Variants in HSF5 observed in about 807,000 individuals in gnomAD.
The protein encoded by HSF5 is heat shock transcription factor 5, also known as heat shock factor protein 5.
HSF5 carries 5 observed loss-of-function variants against 50.8 expected under a neutral mutation model. That is an observed-to-expected ratio of 0.10 (90% CI 0.05 to 0.21). The LOEUF is 0.21. HSF5 is among the 10% of genes least tolerant of loss of function. The pLI, the probability that HSF5 is intolerant of heterozygous loss-of-function variation, is 1.00. For synonymous variants in HSF5, 307 were observed against 307.4 expected, an observed-to-expected ratio of 1.00 and a Z score of 0.02; for missense variants, 564 against 762.6, an observed-to-expected ratio of 0.74 and a Z score of 3.07.
chr17:58,422,229 C>A lies in HSF5; in HGVS notation c.*131G>T. On this transcript the variant is annotated 3_prime_UTR_variant, in exon 6 of 6. Coordinates refer to ENST00000323777, the MANE Select transcript of HSF5 (RefSeq NM_001080439.3). ...TTCCCAATTCTCAATTAACAAAATT[C>A]TCAATTAACGAAACAAAAAATACTT... The A allele has an allele frequency of 1.6e-6, 1 of 645,066 alleles. No individual in the cohort carries two copies. Among genetic ancestry groups the A allele is most frequent in the Non-Finnish European group, 2.7e-6 (1 of 372,298 alleles). The allele number at this position is 645,066 out of a possible 1,614,324, so 40.0% of individuals were successfully genotyped here.
intron 5 of HSF5, among the ~76,000 whole-genome samples, chr17:58,450,728 G>C (rs2143762645): frequency 6.6e-6 from 1 of 150,408 alleles, no homozygotes; most frequent in South Asian, 2.1e-4. Flanking sequence ...ACTCTAGCCT[G>C]GGCAACAAGA....
chr17:58,429,974 T>C (rs1974342357), intron 5 of HSF5, among the ~76,000 whole-genome samples: 1 of 152,024 alleles, frequency 6.6e-6, no homozygotes, highest in Non-Finnish European at 1.5e-5. Context: ...AAATACAAAA[T>C]TCATAGTTAT....
At chr17:58,445,012 G>A (rs1974540625) in intron 5 of HSF5, among the ~76,000 whole-genome samples, 1 of 151,950 alleles carries the variant, frequency 6.6e-6, no homozygotes, top group African/African-American at 2.4e-5. Context: ...TCAGAGAAAT[G>A]TAAAAAAAAA....
At chr17:58,440,890 A>G (rs1974490820) in intron 5 of HSF5, among the ~76,000 whole-genome samples, 1 of 152,208 alleles carries the variant, frequency 6.6e-6, no homozygotes, top group African/African-American at 2.4e-5. Context: ...ACATGAAGGT[A>G]GAAGAAATAA....
intron 3 of HSF5, among the ~76,000 whole-genome samples, chr17:58,464,784 C>A (rs896560270): frequency 6.6e-6 from 1 of 152,136 alleles, no homozygotes; most frequent in Non-Finnish European, 1.5e-5. Context: ...AAGCGCCCAC[C>A]ACCATGCCCA....
At chr17:58,483,214 AT>A (rs1324133670) in intron 1 of HSF5, among the ~76,000 whole-genome samples, 1 of 152,222 alleles carries the variant, frequency 6.6e-6, no homozygotes, top group Non-Finnish European at 1.5e-5. Flanking sequence ...TAAGCAGCTA[AT>A]TAAAGAATTC....
intron 2 of HSF5, chr17:58,476,487 C>T: frequency 1.8e-6 from 2 of 1,110,968 alleles, no homozygotes; most frequent in Non-Finnish European, 2.8e-6. Flanking sequence ...TTTCAGTGGA[C>T]TTTGAAGATG....
chr17:58,459,596 G>A (rs956146858), intron 4 of HSF5, among the ~76,000 whole-genome samples: 3 of 149,364 alleles, frequency 2.0e-5, no homozygotes, highest in Non-Finnish European at 3.0e-5. Flanking sequence ...GCAGTGAGCC[G>A]AGATTGTACC....
chr17:58,476,453 A>C (rs1327475147), intron 2 of HSF5: 2 of 1,068,850 alleles, frequency 1.9e-6, no homozygotes, highest in East Asian at 4.7e-5. Flanking sequence ...CGCTTTGTCA[A>C]ATCCATTCCA....
In HSF5 at chr17:58,436,840, T is replaced by TAAC. The variant is rs890599740; in HGVS notation, c.1721-14413_1721-14411dup. Among the ~76,000 whole-genome samples the TAAC allele has an allele frequency of 5.3e-3, 803 of 150,180 alleles. 5 individuals are homozygous for TAAC. Among genetic ancestry groups the TAAC allele is most frequent in the African/African-American group, 0.018 (744 of 40,926 alleles). ...AAGAGCAGAAAAAAAAAACCAACCA[T>TAAC]AACAACAACAACAACAGAAAGCAGA... On this transcript the variant is annotated intron_variant, in intron 5 of 5. Coordinates refer to ENST00000323777, the MANE Select transcript of HSF5 (RefSeq NM_001080439.3).
intron 5 of HSF5, among the ~76,000 whole-genome samples, chr17:58,430,766 A>G (rs1319030484): frequency 6.6e-6 from 1 of 152,204 alleles, no homozygotes; most frequent in Non-Finnish European, 1.5e-5. Context: ...CCTCCATAAC[A>G]GTATATGCCA....
At chr17:58,446,410 C>T (rs1201780204) in intron 5 of HSF5, among the ~76,000 whole-genome samples, 3 of 152,184 alleles carry the variant, frequency 2.0e-5, no homozygotes, top group Non-Finnish European at 2.9e-5. Flanking sequence ...AATCTGTACA[C>T]TTAAGAGAGG....
chr17:58,463,173 G>A lies in HSF5; in HGVS notation c.1151C>T (p.Ser384Phe). Residue 384 changes from serine to phenylalanine, a missense_variant, in exon 4 of 6, where the codon TCC becomes TTC. Ser to Phe is a radical substitution (Grantham distance 155). Transcript: ENST00000323777. The part of the protein sequence containing the change: ...AVFQIVDELH[S>F]SPKLEMVKVE... The stretch of plus-strand genomic sequence containing the variant: ...CTTTACCATCTCCAATTTAGGGGAG[G>A]AATGCAACTCATCAACTATCTGAAA... The A allele has an allele frequency of 6.2e-7, 1 of 1,614,162 alleles. No homozygotes were observed. Among genetic ancestry groups the A allele is most frequent in the Non-Finnish European group, 8.5e-7 (1 of 1,180,024 alleles).
At chr17:58,474,851 G>T (rs554298364) in intron 2 of HSF5, among the ~76,000 whole-genome samples, 1 of 152,118 alleles carries the variant, frequency 6.6e-6, no homozygotes, top group Non-Finnish European at 1.5e-5. Flanking sequence ...AAATTGCTGG[G>T]ATTACAGGTG....
At chr17:58,477,030 G>A (rs1353596150) in intron 2 of HSF5, 10 of 549,990 alleles carry the variant, frequency 1.8e-5, no homozygotes, top group Non-Finnish European at 2.3e-5. Flanking sequence ...CGGCACACGC[G>A]CGGGCGCTTG....
At chr17:58,485,556 G>A (rs1005249908) in intron 1 of HSF5, among the ~76,000 whole-genome samples, 24 of 151,732 alleles carry the variant, frequency 1.6e-4, no homozygotes, top group Non-Finnish European at 2.9e-4. Flanking sequence ...AGACCAGCCT[G>A]GGCAACAGAG....
Position 58,420,844 on chromosome 17 carries a change from A to C in HSF5, c.*1516T>G, listed in dbSNP as rs1336884320. 1 of 152,348 alleles carries C rather than the reference A, an allele frequency of 6.6e-6. No homozygotes were observed. Among genetic ancestry groups the C allele is most frequent in the Non-Finnish European group, 1.5e-5 (1 of 68,034 alleles). The allele number at this position is 152,348 out of a possible 1,614,324, so 9.4% of individuals were successfully genotyped here. A position where few individuals can be genotyped will look rare whatever the true frequency, so the allele number is the denominator to read the frequency against. On this transcript the variant is annotated 3_prime_UTR_variant, in exon 6 of 6. Coordinates refer to ENST00000323777, the MANE Select transcript of HSF5 (RefSeq NM_001080439.3). ...AAACAGAGTCACTGCAGATCAATAC[A>C]GAGCTCACCCTTTTCCAGAAAAGTA...
At chr17:58,439,850 TC>T (rs1278523305) in intron 5 of HSF5, among the ~76,000 whole-genome samples, 1 of 151,506 alleles carries the variant, frequency 6.6e-6, no homozygotes, top group Non-Finnish European at 1.5e-5. Context: ...TGAGGAACAT[TC>T]CACAAAATAG....
intron 5 of HSF5, among the ~76,000 whole-genome samples, chr17:58,434,628 G>A (rs1415425438): frequency 6.6e-6 from 1 of 152,016 alleles, no homozygotes; most frequent in Non-Finnish European, 1.5e-5. Context: ...GCCAAGGCAG[G>A]AGGATCACTT....
Sources: gnomAD v4.1 joint callset for allele counts (sites outside exome capture counted in the v4.1 genomes callset) on GRCh38, gnomAD v4.1.1 for gene constraint, MANE v1.5 for transcripts, NCBI Gene and HGNC (gene_info 2026-07-23, HGNC 2026-07-21) for gene names.